Variants in DPP6 observed in about 807,000 individuals in gnomAD.
The protein encoded by DPP6 is A-type potassium channel modulatory protein DPP6.
DPP6 carries 69 observed loss-of-function variants against 122.6 expected under a neutral mutation model. The observed-to-expected ratio is 0.56, with a 90% CI of 0.46 to 0.69. DPP6 has a LOEUF of 0.69. Among genes scored for constraint, DPP6 ranks in the 30% least tolerant of loss-of-function variants. The pLI is 0.00. For missense variants in DPP6, 928 were observed against 1,116.9 expected, an observed-to-expected ratio of 0.83 and a Z score of 2.41; for synonymous variants, 418 against 433.1, an observed-to-expected ratio of 0.97 and a Z score of 0.43.
At chr7:154,468,087 C>G (rs1188276204) in intron 2 of DPP6, among the ~76,000 whole-genome samples, 1 of 152,162 alleles carries the variant, frequency 6.6e-6, no homozygotes, top group Non-Finnish European at 1.5e-5. Flanking sequence ...AAAAGATGCT[C>G]AACATCATTA....
intron 1 of DPP6, among the ~76,000 whole-genome samples, chr7:154,149,107 A>G (rs1436585806): frequency 5.3e-5 from 8 of 152,278 alleles, no homozygotes; most frequent in African/African-American, 1.7e-4. Context: ...TCCGATGGCC[A>G]TTCCCCTGCA....
chr7:153,868,267 A>G, the DPP6 span, among the ~76,000 whole-genome samples: 1 of 152,118 alleles, frequency 6.6e-6, no homozygotes, highest in Non-Finnish European at 1.5e-5. Flanking sequence ...TTTGGCTGTG[A>G]ATCCATCTGG....
At position 153,925,871 on chromosome 7, in the gene DPP6, C is replaced by T. The variant is rs181654176; in HGVS notation, c.51+38137C>T. ...GTAACTGTTGATTTTTACTTTGGCTCCACAATGTGAGTGTCTGGTATATTT... is the reference window on the plus strand; with the variant it reads ...GTAACTGTTGATTTTTACTTTGGCTTCACAATGTGAGTGTCTGGTATATTT... On this transcript the variant is annotated intron_variant, in intron 1 of 25. Transcript: ENST00000404039. Among the ~76,000 whole-genome samples the T allele has an allele frequency of 1.2e-4, 19 of 152,298 alleles. No individual in the cohort carries two copies. The East Asian group carries it at 3.1e-3, about 25-fold the overall frequency.
chr7:154,172,453 A>C (rs1391231629), intron 1 of DPP6, among the ~76,000 whole-genome samples: 1 of 152,170 alleles, frequency 6.6e-6, no homozygotes, highest in African/African-American at 2.4e-5. Context: ...GCATGTTGTC[A>C]TTAGCTGCAT....
chr7:154,714,960 A>G (rs1473062430), intron 7 of DPP6, among the ~76,000 whole-genome samples: 3 of 152,190 alleles, frequency 2.0e-5, no homozygotes, highest in African/African-American at 7.2e-5. Context: ...TAGGCTAGTG[A>G]TGGCTTTGAA....
the DPP6 span, among the ~76,000 whole-genome samples, chr7:153,856,998 G>C: frequency 6.6e-6 from 1 of 151,966 alleles, no homozygotes; most frequent in Non-Finnish European, 1.5e-5. Flanking sequence ...GAATAATGTT[G>C]GATTTCCTAT....
intron 7 of DPP6, among the ~76,000 whole-genome samples, chr7:154,675,368 GA>G (rs969697502): frequency 5.3e-5 from 8 of 151,908 alleles, no homozygotes; most frequent in African/African-American, 1.7e-4. Context: ...AAGAAAAAAA[GA>G]AAAAAAATTG....
intron 1 of DPP6, among the ~76,000 whole-genome samples, chr7:154,316,560 A>G (rs571680310): frequency 2.0e-5 from 3 of 152,348 alleles, no homozygotes; most frequent in African/African-American, 4.8e-5. Flanking sequence ...AGACTTGAAC[A>G]ATTGGGTTGA....
chr7:154,704,630 C>A (rs1840722412), intron 7 of DPP6, among the ~76,000 whole-genome samples: 2 of 152,218 alleles, frequency 1.3e-5, no homozygotes, highest in African/African-American at 4.8e-5. Context: ...CAAGGCAACA[C>A]CACCTGCCAG....
At chr7:154,673,512 T>C (rs1362645701) in intron 7 of DPP6, among the ~76,000 whole-genome samples, 2 of 152,078 alleles carry the variant, frequency 1.3e-5, no homozygotes, top group African/African-American at 4.8e-5. Flanking sequence ...GAGTGGCCTG[T>C]GTGTTGTTAG....
chr7:154,492,121 A>G (rs1194944204), intron 3 of DPP6, among the ~76,000 whole-genome samples: 4 of 152,222 alleles, frequency 2.6e-5, no homozygotes, highest in African/African-American at 9.6e-5. Context: ...TGGGATCACA[A>G]AGGCAAATAA....
At chr7:154,201,188 T>C (rs139394849) in intron 1 of DPP6, among the ~76,000 whole-genome samples, 2,717 of 151,512 alleles carry the variant, frequency 0.018, 92 homozygotes, top group African/African-American at 0.062. Flanking sequence ...AATGCAGTGG[T>C]GCGATCTCGG....
At chr7:153,778,584 AT>A in the DPP6 span, among the ~76,000 whole-genome samples, 1 of 149,416 alleles carries the variant, frequency 6.7e-6, no homozygotes, top group East Asian at 1.9e-4. Flanking sequence ...CATGTCTACA[AT>A]TCCGTCAGCA....
chr7:154,374,113 A>G (rs536305028), intron 1 of DPP6, among the ~76,000 whole-genome samples: 3 of 152,352 alleles, frequency 2.0e-5, no homozygotes, highest in African/African-American at 7.2e-5. Flanking sequence ...GTGTCACGCC[A>G]TCAGGCTCTT....
At chr7:153,938,630 C>T (rs1404158827) in intron 1 of DPP6, among the ~76,000 whole-genome samples, 1 of 152,202 alleles carries the variant, frequency 6.6e-6, no homozygotes, top group Non-Finnish European at 1.5e-5. Flanking sequence ...TATCGACGTC[C>T]AACCCCATGA....
chr7:153,998,725 C>T (rs567237280), intron 1 of DPP6, among the ~76,000 whole-genome samples: 1 of 152,318 alleles, frequency 6.6e-6, no homozygotes, highest in Admixed American at 6.5e-5. Flanking sequence ...TGCCCTTTAT[C>T]CTCCTATTAA....
At chr7:154,118,801 T>C (rs1807197385) in intron 1 of DPP6, among the ~76,000 whole-genome samples, 1 of 147,200 alleles carries the variant, frequency 6.8e-6, no homozygotes, top group Admixed American at 6.8e-5. Flanking sequence ...AACATCAAAC[T>C]AGAAGTATTC....
At chr7:153,942,395 C>T (rs940321719) in intron 1 of DPP6, among the ~76,000 whole-genome samples, 2 of 152,194 alleles carry the variant, frequency 1.3e-5, no homozygotes, top group Non-Finnish European at 2.9e-5. Context: ...CTCAATGACA[C>T]GTAAGTGCCA....
intron 1 of DPP6, among the ~76,000 whole-genome samples, chr7:154,311,620 G>A (rs1479074289): frequency 6.6e-6 from 1 of 152,200 alleles, no homozygotes; most frequent in Non-Finnish European, 1.5e-5. Flanking sequence ...GATAGCATGT[G>A]TTTCTTGAAG....
Sources: gnomAD v4.1 joint callset for allele counts (sites outside exome capture counted in the v4.1 genomes callset) on GRCh38, gnomAD v4.1.1 for gene constraint, MANE v1.5 for transcripts, NCBI Gene and HGNC (gene_info 2026-07-23, HGNC 2026-07-21) for gene names.